Variants in RBFOX1 observed in about 807,000 individuals in gnomAD.
RBFOX1 encodes RNA binding fox-1 homolog 1.
Under a neutral mutation model 57.7 loss-of-function variants are expected in RBFOX1, and 8 were observed. The ratio of observed to expected loss-of-function variants is 0.14; its 90% CI spans 0.08 to 0.25. RBFOX1 has a LOEUF of 0.25. Among genes scored for constraint, RBFOX1 ranks in the 10% least tolerant of loss-of-function variants. The pLI, the probability that RBFOX1 is intolerant of heterozygous loss-of-function variation, is 1.00. For missense variants in RBFOX1, 611 were observed against 548.5 expected (o/e 1.11, Z -1.14); for synonymous variants, 326 against 222.4 (o/e 1.47, Z -4.15).
At chr16:6,129,571 G>A (rs969371808) in intron 1 of RBFOX1, among the ~76,000 whole-genome samples, 4 of 152,052 alleles carry the variant, frequency 2.6e-5, no homozygotes, top group African/African-American at 9.7e-5. Context: ...AAAGCATAGA[G>A]GTAGGGAGGA....
intron 1 of RBFOX1, among the ~76,000 whole-genome samples, chr16:5,441,061 C>T (rs899958068): frequency 3.9e-4 from 60 of 152,296 alleles, no homozygotes; most frequent in African/African-American, 1.3e-3. Flanking sequence ...TCCAGGGTCA[C>T]AGTGCCTTGA....
chr16:7,045,559 G>C (rs886975895), intron 3 of RBFOX1, among the ~76,000 whole-genome samples: 2 of 152,134 alleles, frequency 1.3e-5, no homozygotes, highest in African/African-American at 4.8e-5. Flanking sequence ...TAGGCCCCCT[G>C]GTTCCTTCAG....
intron 13 of RBFOX1, chr16:7,671,583 G>C: frequency 1.2e-6 from 2 of 1,611,858 alleles, no homozygotes; most frequent in Non-Finnish European, 1.7e-6. Flanking sequence ...CCTGTGTATG[G>C]CAATAAATTG....
intron 3 of RBFOX1, among the ~76,000 whole-genome samples, chr16:6,824,983 G>GGTTTTTTTTT (rs2091913965): frequency 5.4e-5 from 2 of 36,878 alleles, no homozygotes; most frequent in Non-Finnish European, 1.2e-4. Flanking sequence ...TTCTTTCTTG[G>GGTTTTTTTTT]TTTTTTTTTT....
At chr16:6,645,842 T>G (rs2098529873) in intron 2 of RBFOX1, among the ~76,000 whole-genome samples, 1 of 152,126 alleles carries the variant, frequency 6.6e-6, no homozygotes, top group Non-Finnish European at 1.5e-5. Context: ...ATTGTTAATA[T>G]GCTTCTCTTA....
At chr16:7,119,671 A>G (rs1202984518) in intron 4 of RBFOX1, among the ~76,000 whole-genome samples, 1 of 152,112 alleles carries the variant, frequency 6.6e-6, no homozygotes, top group Non-Finnish European at 1.5e-5. Context: ...AATCTTAAAC[A>G]ATCATGATTA....
intron 2 of RBFOX1, among the ~76,000 whole-genome samples, chr16:6,326,815 C>T (rs1292771593): frequency 6.6e-6 from 1 of 152,152 alleles, no homozygotes; most frequent in Non-Finnish European, 1.5e-5. Context: ...ACACGACTGC[C>T]TTCACAACCC....
At chr16:6,658,500 C>A (rs919085369) in intron 3 of RBFOX1, among the ~76,000 whole-genome samples, 3 of 152,156 alleles carry the variant, frequency 2.0e-5, no homozygotes, top group Admixed American at 1.3e-4. Flanking sequence ...AGCCACCACA[C>A]CCGGCCGAGA....
chr16:6,306,645 C>T (rs1376889000), intron 1 of RBFOX1, among the ~76,000 whole-genome samples: 1 of 152,164 alleles, frequency 6.6e-6, no homozygotes, highest in Admixed American at 6.6e-5. Flanking sequence ...AACTCACTGG[C>T]CGTTTCTACT....
chr16:6,854,071 A>G (rs1166964016), intron 3 of RBFOX1, among the ~76,000 whole-genome samples: 5 of 152,330 alleles, frequency 3.3e-5, no homozygotes, highest in South Asian at 4.1e-4. Flanking sequence ...CAGAAATCCT[A>G]TTTATTTAAA....
intron 2 of RBFOX1, among the ~76,000 whole-genome samples, chr16:6,405,571 C>G (rs564475445): frequency 5.3e-5 from 8 of 152,258 alleles, no homozygotes; most frequent in Admixed American, 3.3e-4. Context: ...TTGGTCAGAA[C>G]TAGTGAAATG....
At chr16:5,442,302 A>G (rs1223779987) in intron 1 of RBFOX1, among the ~76,000 whole-genome samples, 1 of 152,210 alleles carries the variant, frequency 6.6e-6, no homozygotes, top group East Asian at 1.9e-4. Flanking sequence ...CAGCCCATTC[A>G]TGCGGAGCTG....
intron 4 of RBFOX1, among the ~76,000 whole-genome samples, chr16:5,941,038 G>C (rs1489541029): frequency 6.6e-6 from 1 of 152,182 alleles, no homozygotes; most frequent in Non-Finnish European, 1.5e-5. Context: ...GGGTTGTTGT[G>C]AGAATTAAAT....
Position 6,513,631 on chromosome 16 carries a change from G to T in RBFOX1, c.-63-140972G>T, listed in dbSNP as rs138387608. 4.9e-3 allele frequency among the ~76,000 whole-genome samples: 748 copies of T among 152,304 alleles called. 21 individuals are homozygous for T. In the East Asian group the frequency reaches 0.094, roughly 19 times the overall value. Reference sequence around the variant, plus strand: ...CGCCTGTAATGACAGCTATTCGGGAGGCCGAGGCAGAAGAATCACTTGAAC... The same window carrying T: ...CGCCTGTAATGACAGCTATTCGGGATGCCGAGGCAGAAGAATCACTTGAAC... On this transcript the variant is annotated intron_variant, in intron 2 of 15. Coordinates refer to ENST00000550418, the MANE Select transcript of RBFOX1 (RefSeq NM_018723.4).
chr16:5,429,620 C>T (rs1298519917), intron 1 of RBFOX1, among the ~76,000 whole-genome samples: 1 of 152,212 alleles, frequency 6.6e-6, no homozygotes, highest in Non-Finnish European at 1.5e-5. Flanking sequence ...TGGTTCAGCT[C>T]TGAGTCTACC....
At chr16:5,388,988 G>A (rs1301490037) in intron 1 of RBFOX1, among the ~76,000 whole-genome samples, 6 of 151,398 alleles carry the variant, frequency 4.0e-5, no homozygotes, top group African/African-American at 1.5e-4. Context: ...TCAGGAGATC[G>A]AGACCATCTT....
At chr16:5,458,608 C>G (rs749975694) in intron 1 of RBFOX1, among the ~76,000 whole-genome samples, 1 of 152,206 alleles carries the variant, frequency 6.6e-6, no homozygotes, top group African/African-American at 2.4e-5. Context: ...GCCATCCCAG[C>G]CACATTCTTA....
intron 3 of RBFOX1, among the ~76,000 whole-genome samples, chr16:7,021,402 G>C (rs1293740419): frequency 7.0e-6 from 1 of 142,944 alleles, no homozygotes; most frequent in Non-Finnish European, 1.5e-5. Context: ...TTTTAAATTT[G>C]TTTTATGTAT....
At chr16:7,029,824 G>A (rs927081096) in intron 3 of RBFOX1, among the ~76,000 whole-genome samples, 2 of 152,130 alleles carry the variant, frequency 1.3e-5, no homozygotes, top group Admixed American at 1.3e-4. Context: ...AGCATGGCTT[G>A]TGGATTTCTT....
Sources: gnomAD v4.1 joint callset for allele counts (sites outside exome capture counted in the v4.1 genomes callset) on GRCh38, gnomAD v4.1.1 for gene constraint, MANE v1.5 for transcripts, NCBI Gene and HGNC (gene_info 2026-07-23, HGNC 2026-07-21) for gene names.